Variants in SNX2 observed in about 807,000 individuals in gnomAD.
SNX2 encodes sorting nexin 2.
SNX2 carries 25 observed loss-of-function variants against 69.9 expected under a neutral mutation model. That is an observed-to-expected ratio of 0.36 (90% CI 0.26 to 0.50). The LOEUF (loss-of-function observed/expected upper bound fraction) is 0.50. Among genes scored for constraint, SNX2 ranks in the 20% least tolerant of loss-of-function variants. The pLI, the probability that SNX2 is intolerant of heterozygous loss-of-function variation, is 0.97. For synonymous variants in SNX2, 229 were observed against 200.4 expected (o/e 1.14, Z -1.20); for missense variants, 551 against 613.3 (o/e 0.90, Z 1.07).
chr5:122,817,423 A>G (rs919853366), intron 10 of SNX2, 50 bp downstream of exon 10: 1 of 1,114,844 alleles, frequency 9.0e-7, no homozygotes, highest in East Asian at 2.5e-5. Context: ...ACTAATGAAA[A>G]TATTTTATTT....
intron 2 of SNX2, among the ~76,000 whole-genome samples, chr5:122,797,835 T>A (rs1753418008): frequency 6.6e-6 from 1 of 152,070 alleles, no homozygotes; most frequent in Non-Finnish European, 1.5e-5. Flanking sequence ...TATATTGGTT[T>A]ACTTAAGCTA....
At position 122,795,287 on chromosome 5, in the gene SNX2, C is replaced by T. The variant is rs1753351491; in HGVS notation, c.130C>T (p.Pro44Ser). ...TLESSPSSPE[P>S]ASLPAEDISA... ...ACAGTCAAGTCCATCATCTCCAGAA[C>T]CAGCTAGTCTTCCTGCAGAAGATAT... is the stretch of plus-strand genomic sequence containing the variant. The change falls in exon 2 of 15, where the codon CCA becomes TCA. Residue 44 changes from proline to serine, a missense_variant. Transcript: ENST00000379516. The T allele has an allele frequency of 6.2e-7, 1 of 1,613,184 alleles. No homozygotes were observed. The highest frequency in any genetic ancestry group is 1.3e-5 in the African/African-American group (1 of 74,890).
At chr5:122,827,752 G>C (rs1754185401) in intron 14 of SNX2, 106 bp downstream of exon 14, 1 of 744,400 alleles carries the variant, frequency 1.3e-6, no homozygotes, top group South Asian at 1.8e-5. Context: ...TCAAGAATAA[G>C]AAATGGAAGA....
Position 122,811,857 on chromosome 5 carries a change from A to ATAAATAAATAAATAAATAAG in SNX2, c.722+3506_722+3507insTAAATAAATAAATAAGTAAA, listed in dbSNP as rs748064671. On this transcript the variant is annotated intron_variant, in intron 7 of 14. Coordinates refer to ENST00000379516, the MANE Select transcript of SNX2 (RefSeq NM_003100.4). ...AATAAATAAATAAATAAATAAATAA[A>ATAAATAAATAAATAAATAAG]TAAAATGTAGTGTGTCAGGATTGTG... is the stretch of plus-strand genomic sequence containing the variant. Among the ~76,000 whole-genome samples the ATAAATAAATAAATAAATAAG allele has an allele frequency of 4.0e-5, 6 of 151,430 alleles. No individual in the cohort carries two copies. The East Asian group carries it at 1.2e-3, about 29-fold the overall frequency.
intron 14 of SNX2, among the ~76,000 whole-genome samples, chr5:122,828,328 G>T (rs556602004): frequency 6.6e-6 from 1 of 152,010 alleles, no homozygotes; most frequent in South Asian, 2.1e-4. Flanking sequence ...TTCAAATTGT[G>T]TTTAATTTTT....
intron 6 of SNX2, among the ~76,000 whole-genome samples, chr5:122,806,094 A>ATGTGTGTGTG (rs147188322): frequency 8.0e-6 from 1 of 124,700 alleles, no homozygotes; most frequent in Non-Finnish European, 1.7e-5. Context: ...TAAAACTTTT[A>ATGTGTGTGTG]TGTGTGTGTG....
intron 1 of SNX2, among the ~76,000 whole-genome samples, chr5:122,792,332 G>A (rs1299667162): frequency 6.6e-6 from 1 of 152,192 alleles, no homozygotes; most frequent in Non-Finnish European, 1.5e-5. Flanking sequence ...AGTGGCTCAC[G>A]CCTGTAATCC....
rs1180391202 is a variant in SNX2, at chr5:122,832,427, CATAG to C, written c.*2782_*2785del. 2.0e-5 allele frequency: 3 copies of C among 152,140 alleles called. No individual in the cohort carries two copies. Among genetic ancestry groups the C allele is most frequent in the Non-Finnish European group, 4.4e-5 (3 of 68,014 alleles). 9.4% of individuals were successfully genotyped at this position (152,140 alleles called of 1,614,324 possible). A position where few individuals can be genotyped will look rare whatever the true frequency, so the allele number is the denominator to read the frequency against. On this transcript the variant is annotated 3_prime_UTR_variant, in exon 15 of 15. Coordinates refer to ENST00000379516, the MANE Select transcript of SNX2 (RefSeq NM_003100.4). Reference sequence around the variant, plus strand: ...AATGTGTGTAAAAATATGCCTAACACATAGATTTCCTTGATTGTATTTTCTACTG... The same window carrying C: ...AATGTGTGTAAAAATATGCCTAACACATTTCCTTGATTGTATTTTCTACTG...
At chr5:122,810,248 A>G (rs1440553766) in intron 7 of SNX2, among the ~76,000 whole-genome samples, 1 of 151,038 alleles carries the variant, frequency 6.6e-6, no homozygotes, top group Non-Finnish European at 1.5e-5. Flanking sequence ...TTAAGTACCC[A>G]GGGACACAAA....
chr5:122,817,217 G>T, intron 9 of SNX2, 63 bp from the exon 10 acceptor site: 2 of 1,474,716 alleles, frequency 1.4e-6, no homozygotes, highest in South Asian at 2.3e-5. Context: ...GCTTGCTATT[G>T]GTAACCTAAT....
chr5:122,801,690 T>TGTGTGTGTGTGTGTG (rs1554062722), intron 3 of SNX2, among the ~76,000 whole-genome samples, 179 bp from the exon 4 acceptor site: 2 of 150,450 alleles, frequency 1.3e-5, no homozygotes, highest in African/African-American at 2.4e-5. Flanking sequence ...TGTGTGTGTG[T>TGTGTGTGTGTGTGTG]TTTATTTATA....
chr5:122,813,790 C>G (rs971476326), intron 7 of SNX2, among the ~76,000 whole-genome samples: 3 of 26,334 alleles, frequency 1.1e-4, no homozygotes, highest in African/African-American at 4.6e-4. Context: ...TTTTTTTTTT[C>G]TGAGACGGAG....
chr5:122,797,721 T>A (rs1360141393), intron 2 of SNX2, among the ~76,000 whole-genome samples: 2 of 152,194 alleles, frequency 1.3e-5, no homozygotes, highest in African/African-American at 4.8e-5. Flanking sequence ...CATACATGTC[T>A]CAAAGTATGT....
At chr5:122,789,503 A>ACT (rs1581626753) in intron 1 of SNX2, among the ~76,000 whole-genome samples, 3 of 142,858 alleles carry the variant, frequency 2.1e-5, no homozygotes, top group Non-Finnish European at 4.6e-5. Flanking sequence ...ACACACACAC[A>ACT]CTCTTCCTCT....
chr5:122,810,308 G>T (rs1358271418), intron 7 of SNX2, among the ~76,000 whole-genome samples: 1 of 141,116 alleles, frequency 7.1e-6, no homozygotes, highest in Non-Finnish European at 1.5e-5. Context: ...AGAGACCTTT[G>T]TTCACTTGTT....
intron 1 of SNX2, among the ~76,000 whole-genome samples, chr5:122,784,678 G>C (rs1411241947): frequency 1.3e-5 from 2 of 151,994 alleles, no homozygotes; most frequent in Non-Finnish European, 2.9e-5. Flanking sequence ...TTGTGTCTGT[G>C]TTCACGACAG....
rs1032589700 is a variant in SNX2 at position 122,833,363 on chromosome 5, A to T, written c.*3715A>T. ...GTCCTTAAGAGCATAGAACAATATA[A>T]ATATAATATGGGCCATATATATAAT... On this transcript the variant is annotated 3_prime_UTR_variant, in exon 15 of 15. Coordinates refer to ENST00000379516, the MANE Select transcript of SNX2 (RefSeq NM_003100.4). 12 of 152,194 alleles carry T rather than the reference A, an allele frequency of 7.9e-5. No individual in the cohort carries two copies. Among genetic ancestry groups the T allele is most frequent in the African/African-American group, 2.4e-4 (10 of 41,450 alleles). The allele number at this position is 152,194 out of a possible 1,614,324, so 9.4% of individuals were successfully genotyped here.
intron 11 of SNX2, among the ~76,000 whole-genome samples, chr5:122,825,677 T>C (rs2150018036): frequency 6.6e-6 from 1 of 152,184 alleles, no homozygotes; most frequent in South Asian, 2.1e-4. Context: ...GCTTCTAATA[T>C]TATTTAGCGG....
Position 122,832,525 on chromosome 5 carries a change from A to C in SNX2, c.*2877A>C, listed in dbSNP as rs1043871256. On this transcript the variant is annotated 3_prime_UTR_variant, in exon 15 of 15. Transcript: ENST00000379516. ...AAAATACCTTTGTTTCATTGTTGCT[A>C]CTCCTTAAACTTTTTTCTTTATTAT... is the stretch of plus-strand genomic sequence containing the variant. The C allele has an allele frequency of 6.6e-6, 1 of 151,494 alleles. No homozygotes were observed. Among genetic ancestry groups the C allele is most frequent in the African/African-American group, 2.4e-5 (1 of 41,194 alleles). The allele number at this position is 151,494 out of a possible 1,614,324, so 9.4% of individuals were successfully genotyped here.
Sources: gnomAD v4.1 joint callset for allele counts (sites outside exome capture counted in the v4.1 genomes callset) on GRCh38, gnomAD v4.1.1 for gene constraint, MANE v1.5 for transcripts, NCBI Gene and HGNC (gene_info 2026-07-23, HGNC 2026-07-21) for gene names.